Variants in PACRG observed in about 807,000 individuals in gnomAD.
PACRG encodes parkin coregulated.
Under a neutral mutation model 29.7 loss-of-function variants are expected in PACRG, and 29 were observed. That is an observed-to-expected ratio of 0.98 (90% CI 0.73 to 1.33). PACRG has a LOEUF of 1.33. Among genes scored for constraint, PACRG ranks in the 40% most tolerant of loss-of-function variants. The pLI, the probability that PACRG is intolerant of heterozygous loss-of-function variation, is 0.00. For synonymous variants in PACRG, 116 were observed against 118.7 expected (o/e 0.98, Z 0.15); for missense variants, 279 against 316.2 (o/e 0.88, Z 0.89).
chr6:163,265,401 G>T (rs892712220), intron 4 of PACRG, among the ~76,000 whole-genome samples: 1 of 152,154 alleles, frequency 6.6e-6, no homozygotes, highest in African/African-American at 2.4e-5. Flanking sequence ...CAGGGAAGGG[G>T]GTGGGGGGCA....
At chr6:162,866,157 AG>A (rs1337650759) in intron 2 of PACRG, among the ~76,000 whole-genome samples, 1 of 152,216 alleles carries the variant, frequency 6.6e-6, no homozygotes, top group East Asian at 1.9e-4. Flanking sequence ...TTTTTACCAG[AG>A]CATTCTAATT....
chr6:162,769,765 C>CAA (rs201767213), intron 1 of PACRG, among the ~76,000 whole-genome samples: 6,417 of 126,288 alleles, frequency 0.051, 467 homozygotes, highest in African/African-American at 0.16. Context: ...AGAAGGTTAG[C>CAA]AAAAAAAAAA....
At chr6:162,826,223 A>T (rs923780432) in intron 2 of PACRG, among the ~76,000 whole-genome samples, 3 of 152,104 alleles carry the variant, frequency 2.0e-5, no homozygotes, top group African/African-American at 7.2e-5. Context: ...GTATTGCATG[A>T]TTGTGTATGT....
chr6:163,303,278 C>T (rs1246173704), intron 4 of PACRG, among the ~76,000 whole-genome samples: 3 of 152,038 alleles, frequency 2.0e-5, no homozygotes, highest in Admixed American at 6.6e-5. Flanking sequence ...GAGCTGAGAT[C>T]GTGCCACTGC....
intron 2 of PACRG, among the ~76,000 whole-genome samples, chr6:163,023,362 A>T (rs1177211045): frequency 6.6e-6 from 1 of 152,200 alleles, no homozygotes; most frequent in East Asian, 1.9e-4. Context: ...TGCTTAGGAT[A>T]ATGACCTCCA....
intron 4 of PACRG, among the ~76,000 whole-genome samples, chr6:163,303,380 G>GA (rs887223933): frequency 9.9e-5 from 15 of 150,992 alleles, no homozygotes; most frequent in Admixed American, 3.9e-4. Flanking sequence ...CTCAATCACA[G>GA]AAAAAAAAAT....
At chr6:162,893,313 C>T (rs1341999320) in intron 2 of PACRG, among the ~76,000 whole-genome samples, 1 of 151,998 alleles carries the variant, frequency 6.6e-6, no homozygotes, top group East Asian at 1.9e-4. Context: ...GGCCTCGGCT[C>T]GACTGGCAGT....
chr6:163,085,140 G>A (rs1301634132), intron 3 of PACRG, among the ~76,000 whole-genome samples: 1 of 152,012 alleles, frequency 6.6e-6, no homozygotes, highest in Non-Finnish European at 1.5e-5. Context: ...CAACAGAACA[G>A]CTTTTTTTAA....
At chr6:162,885,752 G>A (rs1243760896) in intron 2 of PACRG, among the ~76,000 whole-genome samples, 1 of 152,006 alleles carries the variant, frequency 6.6e-6, no homozygotes, top group African/African-American at 2.4e-5. Flanking sequence ...ATGTGTGTGT[G>A]TGTGCGTGCA....
chr6:162,901,519 C>G (rs1795558144), intron 2 of PACRG, among the ~76,000 whole-genome samples: 1 of 152,102 alleles, frequency 6.6e-6, no homozygotes, highest in African/African-American at 2.4e-5. Context: ...AAAATGGACT[C>G]GATTGTTTAG....
At chr6:163,063,957 G>T (rs2274194) in intron 3 of PACRG, among the ~76,000 whole-genome samples, 1 of 151,984 alleles carries the variant, frequency 6.6e-6, no homozygotes, top group African/African-American at 2.4e-5. Context: ...AATTCTACTT[G>T]AACTGCTACA....
chr6:162,868,395 G>A (rs1350822822), intron 2 of PACRG, among the ~76,000 whole-genome samples: 1 of 152,188 alleles, frequency 6.6e-6, no homozygotes, highest in Non-Finnish European at 1.5e-5. Flanking sequence ...TTAGATTGTC[G>A]TGAGGAAAGC....
intron 2 of PACRG, among the ~76,000 whole-genome samples, chr6:162,958,587 T>G (rs888597954): frequency 6.6e-6 from 1 of 151,922 alleles, no homozygotes; most frequent in Non-Finnish European, 1.5e-5. Context: ...ATTTATTCAC[T>G]TGACAAATAT....
intron 4 of PACRG, among the ~76,000 whole-genome samples, chr6:163,206,825 A>G (rs1033826532): frequency 6.6e-6 from 1 of 152,136 alleles, no homozygotes; most frequent in Non-Finnish European, 1.5e-5. Context: ...TCAAATCCAG[A>G]TCTGGTTGAA....
chr6:162,783,249 AAGTG>A (rs1373947345), intron 1 of PACRG, among the ~76,000 whole-genome samples: 2 of 151,982 alleles, frequency 1.3e-5, no homozygotes, highest in African/African-American at 4.8e-5. Context: ...TTTAAAGTAA[AAGTG>A]AGGACATTTG....
chr6:163,124,505 A>G (rs1816436567), intron 4 of PACRG, among the ~76,000 whole-genome samples: 1 of 152,220 alleles, frequency 6.6e-6, no homozygotes, highest in Non-Finnish European at 1.5e-5. Flanking sequence ...AATTCTATAA[A>G]CTAGTTTAAA....
chr6:162,814,455 CAATT>C (rs1175309204), intron 2 of PACRG, 174 bp downstream of exon 2: 2 of 686,570 alleles, frequency 2.9e-6, no homozygotes, highest in Non-Finnish European at 2.3e-6. Flanking sequence ...CCTTGACTAA[CAATT>C]AAATTATAGC....
intron 2 of PACRG, among the ~76,000 whole-genome samples, chr6:162,963,311 T>C (rs964514187): frequency 1.3e-5 from 2 of 152,162 alleles, no homozygotes; most frequent in African/African-American, 4.8e-5. Flanking sequence ...CTGTTCACAT[T>C]TCAAGTAGGC....
intron 4 of PACRG, among the ~76,000 whole-genome samples, chr6:163,311,777 A>G (rs1205530922): frequency 6.6e-6 from 1 of 151,742 alleles, no homozygotes; most frequent in African/African-American, 2.4e-5. Flanking sequence ...TGGAAAAACA[A>G]AAAAAGCTAC....
Sources: gnomAD v4.1 joint callset for allele counts (sites outside exome capture counted in the v4.1 genomes callset) on GRCh38, gnomAD v4.1.1 for gene constraint, MANE v1.5 for transcripts, NCBI Gene and HGNC (gene_info 2026-07-23, HGNC 2026-07-21) for gene names.